Variants in RANBP2 observed in about 807,000 individuals in gnomAD.
RANBP2 encodes E3 SUMO-protein ligase RanBP2.
In RANBP2, 57 loss-of-function variants were observed where a neutral mutation model predicts 303.6. That is an observed-to-expected ratio of 0.19 (90% CI 0.15 to 0.23). RANBP2 has a LOEUF of 0.23. Ranked by LOEUF, RANBP2 falls within the 10% of genes least tolerant of loss-of-function variation. The probability of loss-of-function intolerance (pLI) is 1.00; values close to 1 mark genes in which losing one functional copy is unlikely to be tolerated. For missense variants in RANBP2, 3,138 were observed against 3,780.8 expected (o/e 0.83, Z 4.46); for synonymous variants, 1,167 against 1,301.5 (o/e 0.90, Z 2.23).
chr2:109,704,115 A>G, the RANBP2 span, among the ~76,000 whole-genome samples: 1 of 152,226 alleles, frequency 6.6e-6, no homozygotes, highest in African/African-American at 2.4e-5. Flanking sequence ...CAGGTCAGTC[A>G]GATGATCCCT....
At chr2:108,838,251 T>A in the RANBP2 span, among the ~76,000 whole-genome samples, 1 of 152,132 alleles carries the variant, frequency 6.6e-6, no homozygotes, top group African/African-American at 2.4e-5. Context: ...AATTGGCTGG[T>A]CCAGGGAGGG....
the RANBP2 span, chr2:109,398,815 T>A: frequency 1.2e-6 from 2 of 1,613,752 alleles, no homozygotes; most frequent in South Asian, 2.2e-5. Context: ...GACGCACAGA[T>A]CCTCCCAGGC....
chr2:109,625,091 A>C, the RANBP2 span, among the ~76,000 whole-genome samples: 43 of 137,032 alleles, frequency 3.1e-4, no homozygotes, highest in Non-Finnish European at 4.2e-4. Flanking sequence ...CAACAACAAA[A>C]AAAAAAAAAA....
At chr2:109,703,902 G>A in the RANBP2 span, among the ~76,000 whole-genome samples, 32 of 152,240 alleles carry the variant, frequency 2.1e-4, no homozygotes, top group African/African-American at 7.0e-4. Flanking sequence ...GGTCCACACC[G>A]CGTAAATTGG....
chr2:109,249,842 T>C, the RANBP2 span, among the ~76,000 whole-genome samples: 1 of 151,460 alleles, frequency 6.6e-6, no homozygotes, highest in African/African-American at 2.4e-5. Flanking sequence ...TTTATTTATT[T>C]ATTTTTTAAT....
chr2:109,298,002 G>A, the RANBP2 span, among the ~76,000 whole-genome samples: 1 of 152,188 alleles, frequency 6.6e-6, no homozygotes, highest in African/African-American at 2.4e-5. Context: ...TTGCGCCTCA[G>A]CTGGTGACAG....
chr2:109,484,664 C>T, the RANBP2 span, among the ~76,000 whole-genome samples: 1 of 152,132 alleles, frequency 6.6e-6, no homozygotes, highest in African/African-American at 2.4e-5. Flanking sequence ...TTTTATTTTT[C>T]CCCTCTTAAA....
chr2:109,278,382 G>A, the RANBP2 span, among the ~76,000 whole-genome samples: 5 of 152,196 alleles, frequency 3.3e-5, no homozygotes, highest in African/African-American at 1.2e-4. Flanking sequence ...GTCTGCAGTG[G>A]TGATGACACT....
At chr2:109,442,826 G>A in the RANBP2 span, among the ~76,000 whole-genome samples, 1 of 152,222 alleles carries the variant, frequency 6.6e-6, no homozygotes, top group Non-Finnish European at 1.5e-5. Context: ...AAAACATATA[G>A]TAGGATGGTA....
the RANBP2 span, among the ~76,000 whole-genome samples, chr2:109,336,885 C>T: frequency 1.3e-5 from 2 of 152,190 alleles, no homozygotes; most frequent in African/African-American, 4.8e-5. Context: ...GAATTCTGCT[C>T]AGTTCCTCCT....
At chr2:108,945,985 C>T in the RANBP2 span, among the ~76,000 whole-genome samples, 6 of 152,326 alleles carry the variant, frequency 3.9e-5, no homozygotes, top group South Asian at 2.1e-4. Flanking sequence ...TTCAAGCAAA[C>T]TAATGACTTG....
At chr2:108,773,587 T>C (rs1170375188) in intron 23 of RANBP2, among the ~76,000 whole-genome samples, 2 of 151,654 alleles carry the variant, frequency 1.3e-5, no homozygotes, top group African/African-American at 4.8e-5. Flanking sequence ...AACTAGAATA[T>C]CAATTTTCCG....
chr2:109,710,139 T>C, the RANBP2 span, among the ~76,000 whole-genome samples: 1 of 150,722 alleles, frequency 6.6e-6, no homozygotes, highest in African/African-American at 2.4e-5. Context: ...CCCAGCACTT[T>C]GGGAGGCCGA....
chr2:109,678,762 C>G, the RANBP2 span, among the ~76,000 whole-genome samples: 3 of 152,038 alleles, frequency 2.0e-5, no homozygotes, highest in Non-Finnish European at 4.4e-5. Flanking sequence ...GGTTCGCAGG[C>G]GGTGGGGTGT....
the RANBP2 span, among the ~76,000 whole-genome samples, chr2:109,014,320 T>A: frequency 8.5e-5 from 13 of 152,136 alleles, no homozygotes; most frequent in Non-Finnish European, 1.3e-4. Context: ...CAAAACCCAA[T>A]TTGAAAACCC....
the RANBP2 span, among the ~76,000 whole-genome samples, chr2:109,704,553 T>A: frequency 0.78 from 117,193 of 150,808 alleles, 49,248 homozygotes; most frequent in East Asian, 0.97. Context: ...AAATAAAAAT[T>A]AAAAAATTAA....
the RANBP2 span, chr2:109,371,494 C>A: frequency 1.0e-6 from 1 of 1,001,934 alleles, no homozygotes; most frequent in Non-Finnish European, 1.5e-6. Flanking sequence ...GGAATCTCTT[C>A]CGAGCCTCCA....
At chr2:109,195,657 C>T in the RANBP2 span, among the ~76,000 whole-genome samples, 1 of 152,174 alleles carries the variant, frequency 6.6e-6, no homozygotes, top group Non-Finnish European at 1.5e-5. Context: ...GACCGTGTGC[C>T]AGAGAGCTCC....
the RANBP2 span, chr2:109,615,440 T>G: frequency 9.3e-6 from 15 of 1,613,016 alleles, no homozygotes. Flanking sequence ...GGCAGGAGCT[T>G]CTGGCCATGC....
Sources: gnomAD v4.1 joint callset for allele counts (sites outside exome capture counted in the v4.1 genomes callset) on GRCh38, gnomAD v4.1.1 for gene constraint, MANE v1.5 for transcripts, NCBI Gene and HGNC (gene_info 2026-07-23, HGNC 2026-07-21) for gene names.